The following CCDC171 variants were observed in gnomAD, a reference collection of about 807,000 sequenced individuals.
CCDC171 encodes coiled-coil domain containing 171.
Under a neutral mutation model 168.2 loss-of-function variants are expected in CCDC171, and 177 were observed. The ratio of observed to expected loss-of-function variants is 1.05; its 90% confidence interval spans 0.93 to 1.19. The LOEUF (loss-of-function observed/expected upper bound fraction) is 1.19, where lower values mean the gene tolerates loss of function less well. Among genes scored for constraint, CCDC171 ranks in the 50% most tolerant of loss-of-function variants. The pLI, the probability that CCDC171 is intolerant of heterozygous loss-of-function variation, is 0.00. For missense variants in CCDC171, 1,991 were observed against 1,539.0 expected, an observed-to-expected ratio of 1.29 and a Z score of -4.91; for synonymous variants, 687 against 540.8, an observed-to-expected ratio of 1.27 and a Z score of -3.75.
At chr9:15,770,953 A>G (rs117402988) in intron 18 of CCDC171, among the ~76,000 whole-genome samples, 1,753 of 152,290 alleles carry the variant, frequency 0.012, 16 homozygotes, top group Non-Finnish European at 0.019. Context: ...AGGGAATCAT[A>G]TAATCATGCT....
chr9:15,804,548 A>G (rs2058986737), intron 21 of CCDC171, among the ~76,000 whole-genome samples: 1 of 151,884 alleles, frequency 6.6e-6, no homozygotes, highest in African/African-American at 2.4e-5. Context: ...TGATTTGAGT[A>G]CAGTGAACCC....
intron 22 of CCDC171, among the ~76,000 whole-genome samples, chr9:15,847,194 C>T (rs548909775): frequency 2.2e-4 from 33 of 152,152 alleles, no homozygotes; most frequent in African/African-American, 7.2e-4. Context: ...CTATTCTCTT[C>T]TGCTCCACTG....
chr9:16,087,105 C>A, the CCDC171 span, among the ~76,000 whole-genome samples: 2 of 152,094 alleles, frequency 1.3e-5, no homozygotes, highest in Non-Finnish European at 2.9e-5. Context: ...CTGTTTGTTA[C>A]AATTTCCATT....
At chr9:16,100,352 A>T in the CCDC171 span, among the ~76,000 whole-genome samples, 2 of 152,180 alleles carry the variant, frequency 1.3e-5, no homozygotes, top group Admixed American at 1.3e-4. Context: ...GCCTATCTCC[A>T]GCCGCTCAGC....
chr9:15,977,079 A>G (rs1352124025), downstream of CCDC171, among the ~76,000 whole-genome samples: 1 of 152,192 alleles, frequency 6.6e-6, no homozygotes, highest in Non-Finnish European at 1.5e-5. Flanking sequence ...GTGTAAATTT[A>G]CATATTAGAA....
At position 15,874,495 on chromosome 9, in the gene CCDC171, A is replaced by G. The variant is rs566729597; in HGVS notation, c.3469-37A>G. The G allele has an allele frequency of 3.5e-5, 55 of 1,555,890 alleles. No homozygotes were observed. The South Asian group carries it at 6.6e-4, about 19-fold the overall frequency. On this transcript the variant is annotated intron_variant, in intron 23 of 25. Coordinates refer to ENST00000380701, the MANE Select transcript of CCDC171 (RefSeq NM_173550.4). ...AGTTCATCCCAGTTAATGTGTCTGAAGGGGAATTACCATTGATGCTGTTTT... is the reference window on the plus strand; with the variant it reads ...AGTTCATCCCAGTTAATGTGTCTGAGGGGGAATTACCATTGATGCTGTTTT...
intron 3 of CCDC171, among the ~76,000 whole-genome samples, chr9:15,992,893 T>C (rs951998354): frequency 2.0e-5 from 3 of 152,168 alleles, no homozygotes; most frequent in Admixed American, 2.0e-4. Context: ...ACAAGGGATG[T>C]GAAGGACCTC....
intron 8 of CCDC171, among the ~76,000 whole-genome samples, chr9:15,661,858 A>G (rs1304230725): frequency 6.6e-6 from 1 of 152,262 alleles, no homozygotes; most frequent in East Asian, 1.9e-4. Context: ...CCCCAGATTT[A>G]CTGTTTGGCT....
chr9:15,792,949 A>T (rs1448464458), intron 21 of CCDC171, among the ~76,000 whole-genome samples: 2 of 152,316 alleles, frequency 1.3e-5, no homozygotes, highest in Non-Finnish European at 1.5e-5. Flanking sequence ...CATCATAATG[A>T]CAGGAACAAA....
chr9:15,964,389 G>A (rs1038544641), intron 25 of CCDC171, among the ~76,000 whole-genome samples: 5 of 151,980 alleles, frequency 3.3e-5, no homozygotes, highest in Admixed American at 2.6e-4. Context: ...TTTGGTTTTT[G>A]TGTCTTTTTA....
intron 8 of CCDC171, 188 bp downstream of exon 8, chr9:15,657,407 C>T (rs1046262410): frequency 2.5e-5 from 11 of 441,310 alleles, no homozygotes; most frequent in Admixed American, 3.6e-5. Context: ...GGAGTTGGCA[C>T]ACTATAGCCT....
intron 3 of CCDC171, among the ~76,000 whole-genome samples, chr9:15,985,746 A>G (rs1464043363): frequency 1.3e-5 from 2 of 152,192 alleles, no homozygotes; most frequent in African/African-American, 4.8e-5. Flanking sequence ...TTTATTTCTG[A>G]TCTTCCCATG....
At chr9:16,047,735 C>T (rs182101156) in intron 1 of CCDC171, among the ~76,000 whole-genome samples, 16 of 152,320 alleles carry the variant, frequency 1.1e-4, no homozygotes, top group East Asian at 5.8e-4. Context: ...CCTCTCTCAA[C>T]GTCTGCTTCC....
intron 7 of CCDC171, among the ~76,000 whole-genome samples, chr9:15,630,605 T>G (rs1398351057): frequency 6.6e-6 from 1 of 152,102 alleles, no homozygotes; most frequent in Non-Finnish European, 1.5e-5. Flanking sequence ...CTGTCAACAT[T>G]AGACAGATCA....
chr9:15,625,327 C>G (rs1162141140), intron 7 of CCDC171, among the ~76,000 whole-genome samples: 3 of 152,146 alleles, frequency 2.0e-5, no homozygotes, highest in African/African-American at 7.2e-5. Context: ...TTAATTAGAT[C>G]TCATTTGTCA....
chr9:15,638,195 A>G (rs1462693219), intron 7 of CCDC171, among the ~76,000 whole-genome samples: 2 of 152,190 alleles, frequency 1.3e-5, no homozygotes, highest in African/African-American at 4.8e-5. Context: ...AGAATTTTAC[A>G]AGTGGAGAGC....
At chr9:15,610,470 A>C (rs886377605) in intron 6 of CCDC171, among the ~76,000 whole-genome samples, 10 of 139,950 alleles carry the variant, frequency 7.1e-5, no homozygotes, top group African/African-American at 1.3e-4. Context: ...AAAAAAAAAA[A>C]AAAAAAAAAA....
intron 6 of CCDC171, among the ~76,000 whole-genome samples, chr9:16,029,016 C>T (rs1161521356): frequency 6.6e-6 from 1 of 152,036 alleles, no homozygotes; most frequent in East Asian, 1.9e-4. Flanking sequence ...GCATAGAGCC[C>T]CCTCTTGGCC....
intron 21 of CCDC171, among the ~76,000 whole-genome samples, chr9:15,814,314 A>G (rs565192495): frequency 2.0e-5 from 3 of 152,276 alleles, no homozygotes; most frequent in Non-Finnish European, 2.9e-5. Flanking sequence ...GACTTGGTGT[A>G]TATTTCATGT....
Sources: gnomAD v4.1 joint callset for allele counts (sites outside exome capture counted in the v4.1 genomes callset) on GRCh38, gnomAD v4.1.1 for gene constraint, MANE v1.5 for transcripts, NCBI Gene and HGNC (gene_info 2026-07-23, HGNC 2026-07-21) for gene names.